Variants in ERC2 observed in about 807,000 individuals in gnomAD.
ERC2 encodes the protein ERC protein 2.
Under a neutral mutation model 114.8 loss-of-function variants are expected in ERC2, and 42 were observed. That is an observed-to-expected ratio of 0.37 (90% CI 0.29 to 0.47). The LOEUF (loss-of-function observed/expected upper bound fraction) is 0.47, where lower values mean the gene tolerates loss of function less well. Among genes scored for constraint, ERC2 ranks in the 20% least tolerant of loss-of-function variants. The probability of loss-of-function intolerance (pLI) is 0.99; values close to 1 mark genes in which losing one functional copy is unlikely to be tolerated. For missense variants in ERC2, 939 were observed against 1,150.7 expected, an observed-to-expected ratio of 0.82 and a Z score of 2.66; for synonymous variants, 454 against 425.5, an observed-to-expected ratio of 1.07 and a Z score of -0.82.
At chr3:56,461,646 A>T (rs911559660) in intron 1 of ERC2, among the ~76,000 whole-genome samples, 1 of 152,360 alleles carries the variant, frequency 6.6e-6, no homozygotes, top group Non-Finnish European at 1.5e-5. Context: ...GTTAAAGATG[A>T]TGCACAAATA....
chr3:56,257,001 A>G (rs1167295089), intron 3 of ERC2, among the ~76,000 whole-genome samples: 2 of 152,194 alleles, frequency 1.3e-5, no homozygotes, highest in Non-Finnish European at 1.5e-5. Flanking sequence ...ATGTTTAAAT[A>G]CTTACTTTTG....
At chr3:56,429,563 T>C (rs535157054) in intron 2 of ERC2, among the ~76,000 whole-genome samples, 1 of 152,332 alleles carries the variant, frequency 6.6e-6, no homozygotes, top group East Asian at 1.9e-4. Flanking sequence ...CACCCTGGTT[T>C]ATACACCAAG....
intron 17 of ERC2, among the ~76,000 whole-genome samples, chr3:55,644,580 G>T (rs1464515992): frequency 6.6e-6 from 1 of 151,990 alleles, no homozygotes; most frequent in Non-Finnish European, 1.5e-5. Context: ...GGACAAAAAA[G>T]GCTGAAAATA....
chr3:56,070,581 T>C (rs2076690140), intron 7 of ERC2, among the ~76,000 whole-genome samples: 1 of 152,180 alleles, frequency 6.6e-6, no homozygotes, highest in Middle Eastern at 3.2e-3. Flanking sequence ...ATCAGCTTTT[T>C]CATTGAACGA....
At chr3:56,098,585 A>G (rs1391675527) in intron 6 of ERC2, among the ~76,000 whole-genome samples, 1 of 152,222 alleles carries the variant, frequency 6.6e-6, no homozygotes, top group African/African-American at 2.4e-5. Flanking sequence ...AAATGTTTCA[A>G]TGAGACTGAC....
At chr3:55,723,287 A>G (rs1559552088) in intron 15 of ERC2, among the ~76,000 whole-genome samples, 1 of 152,176 alleles carries the variant, frequency 6.6e-6, no homozygotes, top group Non-Finnish European at 1.5e-5. Context: ...AGTGACAGTT[A>G]TTTCTGAGTA....
At chr3:56,030,523 A>G (rs1032222547) in intron 7 of ERC2, among the ~76,000 whole-genome samples, 1 of 152,160 alleles carries the variant, frequency 6.6e-6, no homozygotes, top group African/African-American at 2.4e-5. Flanking sequence ...TAGGATTGCT[A>G]TATCTTCTTG....
At chr3:56,354,423 T>A (rs1345456882) in intron 2 of ERC2, among the ~76,000 whole-genome samples, 2 of 152,132 alleles carry the variant, frequency 1.3e-5, no homozygotes, top group Non-Finnish European at 2.9e-5. Flanking sequence ...TGGATACATT[T>A]TTTATTGTCA....
intron 14 of ERC2, among the ~76,000 whole-genome samples, chr3:55,816,726 G>A (rs925909984): frequency 2.0e-5 from 3 of 151,756 alleles, no homozygotes; most frequent in African/African-American, 4.9e-5. Flanking sequence ...GGATAAATTG[G>A]GTTATTCTAC....
intron 14 of ERC2, among the ~76,000 whole-genome samples, chr3:55,872,568 G>A (rs964719309): frequency 6.6e-6 from 1 of 152,162 alleles, no homozygotes; most frequent in Admixed American, 6.5e-5. Flanking sequence ...AATTTGAGAG[G>A]CAATGCCCAG....
intron 13 of ERC2, among the ~76,000 whole-genome samples, chr3:55,912,939 A>G (rs1483662926): frequency 6.6e-6 from 1 of 152,200 alleles, no homozygotes; most frequent in African/African-American, 2.4e-5. Flanking sequence ...TTCTTCTTTT[A>G]ACAAGTCAAT....
At chr3:55,840,267 T>C (rs1358399605) in intron 14 of ERC2, among the ~76,000 whole-genome samples, 3 of 151,876 alleles carry the variant, frequency 2.0e-5, no homozygotes, top group African/African-American at 7.2e-5. Flanking sequence ...TATAAAGACC[T>C]CTCAAAACTC....
At chr3:55,607,144 T>C (rs1423426577) in intron 17 of ERC2, among the ~76,000 whole-genome samples, 1 of 152,032 alleles carries the variant, frequency 6.6e-6, no homozygotes, top group Non-Finnish European at 1.5e-5. Flanking sequence ...GGAGATATCG[T>C]AGTGACAAAT....
At chr3:56,365,259 T>G (rs1430862393) in intron 2 of ERC2, among the ~76,000 whole-genome samples, 1 of 152,240 alleles carries the variant, frequency 6.6e-6, no homozygotes, top group East Asian at 1.9e-4. Context: ...GTATTTTTCC[T>G]ATATCTTATC....
In ERC2 at chr3:56,018,933, A is replaced by G. The variant is rs2073513678; in HGVS notation, c.1740T>C (p.Asp580=). 2 of 1,613,192 alleles carry G rather than the reference A, an allele frequency of 1.2e-6. No homozygotes were observed. Among genetic ancestry groups the G allele is most frequent in the African/African-American group, 2.7e-5 (2 of 74,868 alleles). Residue 580 remains aspartate, a synonymous_variant, in exon 8 of 18, where the codon GAT becomes GAC. Transcript: ENST00000288221. ...CTTCCTCTAGCGTCGCCAGTGCAGT[A>G]TCTGTATTACTGGAATCCGTCTGCA... ...KSLQTDSSNT[D]TALATLEEAL...
chr3:56,290,918 CT>C (rs2055043355), intron 3 of ERC2, among the ~76,000 whole-genome samples: 1 of 152,114 alleles, frequency 6.6e-6, no homozygotes, highest in African/African-American at 2.4e-5. Context: ...CCTGTAAAGA[CT>C]TGGGTGCTCT....
chr3:55,877,343 T>A (rs1482996973), intron 14 of ERC2, among the ~76,000 whole-genome samples: 1 of 152,040 alleles, frequency 6.6e-6, no homozygotes, highest in South Asian at 2.1e-4. Context: ...AATGAAATCA[T>A]CTGAGTCCAC....
At chr3:55,729,793 G>A (rs1173810887) in intron 15 of ERC2, among the ~76,000 whole-genome samples, 6 of 123,698 alleles carry the variant, frequency 4.9e-5, no homozygotes, top group Admixed American at 1.1e-4. Context: ...AGCTATGATC[G>A]CGCCACTGCA....
At chr3:56,445,312 A>C (rs543749017) in intron 1 of ERC2, among the ~76,000 whole-genome samples, 2 of 152,212 alleles carry the variant, frequency 1.3e-5, no homozygotes, top group Non-Finnish European at 2.9e-5. Flanking sequence ...ATAAGGTCTT[A>C]AACAATTCAT....
Sources: gnomAD v4.1 joint callset for allele counts (sites outside exome capture counted in the v4.1 genomes callset) on GRCh38, gnomAD v4.1.1 for gene constraint, MANE v1.5 for transcripts, NCBI Gene and HGNC (gene_info 2026-07-23, HGNC 2026-07-21) for gene names.